The following ZNF346 variants were observed in gnomAD, a reference collection of about 807,000 sequenced individuals.
ZNF346 encodes the protein zinc finger protein 346, also known as double-stranded RNA-binding zinc finger protein JAZ.
Under a neutral mutation model 33.7 loss-of-function variants are expected in ZNF346, and 23 were observed. The ratio of observed to expected loss-of-function variants is 0.68; its 90% CI spans 0.49 to 0.97. ZNF346 has a LOEUF of 0.97. Ranked by LOEUF, ZNF346 falls within the 50% of genes least tolerant of loss-of-function variation. The probability of loss-of-function intolerance (pLI) is 0.00; values close to 1 mark genes in which losing one functional copy is unlikely to be tolerated. For synonymous variants in ZNF346, 134 were observed against 142.4 expected, an observed-to-expected ratio of 0.94 and a Z score of 0.42; for missense variants, 340 against 371.1, an observed-to-expected ratio of 0.92 and a Z score of 0.69.
chr5:177,044,618 G>C, intron 4 of ZNF346, 85 bp downstream of exon 4: 1 of 1,432,250 alleles, frequency 7.0e-7, no homozygotes, highest in South Asian at 1.2e-5. Context: ...GATCCTCACT[G>C]AGGCCACAGA....
chr5:177,033,500 TTTTTGTTTTG>T (rs564917691), intron 1 of ZNF346, among the ~76,000 whole-genome samples: 66 of 152,270 alleles, frequency 4.3e-4, no homozygotes, highest in African/African-American at 1.5e-3. Flanking sequence ...TTGACGAATT[TTTTTGTTTTG>T]TTTTGTTTTG....
chr5:177,079,299 C>T (rs935680782), intron 8 of ZNF346: 1 of 151,912 alleles, frequency 6.6e-6, no homozygotes, highest in Admixed American at 6.6e-5. Context: ...AACCAGTCAC[C>T]GCTTCTTTTT....
intron 1 of ZNF346, among the ~76,000 whole-genome samples, chr5:177,034,138 C>T (rs1778127641): frequency 6.6e-6 from 1 of 152,062 alleles, no homozygotes; most frequent in African/African-American, 2.4e-5. Flanking sequence ...CCACCTCAGC[C>T]TCCTGAATAG....
chr5:177,064,608 C>A lies in ZNF346; in HGVS notation c.*9C>A, dbSNP rs1295655909. On this transcript the variant is annotated 3_prime_UTR_variant, in exon 7 of 7. Coordinates refer to ENST00000358149, the MANE Select transcript of ZNF346 (RefSeq NM_012279.4). Reference sequence around the variant, plus strand: ...CCACCTTGGAAGACTAGAGGTGATTCTGCCCAGCATCCCATATTGGGCCAG... The same window carrying A: ...CCACCTTGGAAGACTAGAGGTGATTATGCCCAGCATCCCATATTGGGCCAG... 1 of 1,611,098 alleles carries A rather than the reference C, an allele frequency of 6.2e-7. No individual in the cohort carries two copies. Among genetic ancestry groups the A allele is most frequent in the Non-Finnish European group, 8.5e-7 (1 of 1,177,326 alleles).
Position 177,041,764 on chromosome 5 carries a change from C to G in ZNF346, c.280-14C>G, listed in dbSNP as rs765648257. The G allele has an allele frequency of 1.6e-5, 25 of 1,576,162 alleles. No individual in the cohort carries two copies. The highest frequency in any genetic ancestry group is 1.3e-5 in the African/African-American group (1 of 74,074). ...CATTTGGCTATCTTTGATCTTTCTC[C>G]TGGGTTTTTGCAGAGCAAAAAACAT... On this transcript the variant is annotated splice_polypyrimidine_tract_variant and intron_variant, in intron 2 of 6. Transcript: ENST00000358149.
At position 177,067,812 on chromosome 5, in the gene ZNF346, A is replaced by T. The variant is rs1165929796; in HGVS notation, c.*3213A>T. 6.6e-6 allele frequency among the ~76,000 whole-genome samples: 1 copy of T among 152,072 alleles called. No homozygotes were observed. Among genetic ancestry groups the T allele is most frequent in the Admixed American group, 6.6e-5 (1 of 15,260 alleles). ...TTTGAGCTAAGAGTTAATATTCCAT[A>T]TAGAGAAGGAGGCCAGGCAGGGTGG... On this transcript the variant is annotated 3_prime_UTR_variant, in exon 7 of 7. Coordinates refer to ENST00000358149, the MANE Select transcript of ZNF346 (RefSeq NM_012279.4).
chr5:177,044,614 C>T, intron 4 of ZNF346, 81 bp downstream of exon 4: 2 of 1,445,228 alleles, frequency 1.4e-6, no homozygotes, highest in East Asian at 2.3e-5. Flanking sequence ...CAGAGATCCT[C>T]ACTGAGGCCA....
Position 177,062,070 on chromosome 5 carries a change from A to AC in ZNF346, c.720dup (p.Cys241LeufsTer5). The stretch of plus-strand genomic sequence containing the variant: ...TGATGTGTTTCAGCTGGAAAGGGCT[A>AC]CCCCTGCAAAACATGTAAGATAGTG... On this transcript the variant is annotated frameshift_variant, in exon 6 of 7. Transcript: ENST00000358149. LOFTEE classifies it high-confidence loss of function. 3 of 1,613,842 alleles carry AC rather than the reference A, an allele frequency of 1.9e-6. No individual in the cohort carries two copies. Among genetic ancestry groups the AC allele is most frequent in the East Asian group, 2.2e-5 (1 of 44,870 alleles).
chr5:177,047,601 G>C (rs1298369826), intron 4 of ZNF346, among the ~76,000 whole-genome samples: 2 of 152,078 alleles, frequency 1.3e-5, no homozygotes, highest in Non-Finnish European at 2.9e-5. Flanking sequence ...CACCCTCTGG[G>C]TTCAAGCAAT....
At chr5:177,061,778 G>A (rs1349400312) in intron 5 of ZNF346, among the ~76,000 whole-genome samples, 1 of 152,156 alleles carries the variant, frequency 6.6e-6, no homozygotes, top group African/African-American at 2.4e-5. Flanking sequence ...TCACCTCTCT[G>A]TTCTGTCATT....
At position 177,066,408 on chromosome 5, in the gene ZNF346, A is replaced by G. The variant is rs1783166384; in HGVS notation, c.*1809A>G. ...TATTCATCTCTACTTCCTGATGTCCATAGTGGTGTGTCATGAATTTTTATT... is the reference window on the plus strand; with the variant it reads ...TATTCATCTCTACTTCCTGATGTCCGTAGTGGTGTGTCATGAATTTTTATT... On this transcript the variant is annotated 3_prime_UTR_variant, in exon 7 of 7. Transcript: ENST00000358149. Among the ~76,000 whole-genome samples the G allele has an allele frequency of 1.3e-5, 2 of 152,014 alleles. No homozygotes were observed. The highest frequency in any genetic ancestry group is 6.6e-5 in the Admixed American group (1 of 15,258).
At chr5:177,036,620 C>T (rs1204788858) in intron 1 of ZNF346, among the ~76,000 whole-genome samples, 2 of 152,164 alleles carry the variant, frequency 1.3e-5, no homozygotes, top group African/African-American at 2.4e-5. Flanking sequence ...CACACAGTCT[C>T]AGCCAGGAAC....
At chr5:177,050,708 T>G (rs1200311717) in intron 4 of ZNF346, 43 bp from the exon 5 acceptor site, 2 of 1,613,518 alleles carry the variant, frequency 1.2e-6, no homozygotes, top group Non-Finnish European at 1.7e-6. Flanking sequence ...TGCAGCTCTG[T>G]CAAAACGCCT....
chr5:177,047,854 A>G (rs1780302381), intron 4 of ZNF346, among the ~76,000 whole-genome samples: 1 of 151,908 alleles, frequency 6.6e-6, no homozygotes, highest in Admixed American at 6.6e-5. Flanking sequence ...GGCCAGGCAG[A>G]TCTCTAACTC....
intron 1 of ZNF346, among the ~76,000 whole-genome samples, chr5:177,033,590 C>G (rs1311355979): frequency 6.6e-6 from 1 of 152,156 alleles, no homozygotes; most frequent in East Asian, 1.9e-4. Context: ...GTGGCATGAT[C>G]TCTGCTCACT....
At chr5:177,052,286 G>C (rs1207147576) in intron 5 of ZNF346, 2 of 151,462 alleles carry the variant, frequency 1.3e-5, no homozygotes, top group Admixed American at 1.3e-4. Context: ...TTATGCCTCA[G>C]CCTCCTGAGT....
intron 5 of ZNF346, among the ~76,000 whole-genome samples, chr5:177,053,257 A>C (rs1044246583): frequency 6.9e-6 from 1 of 144,798 alleles, no homozygotes; most frequent in Non-Finnish European, 1.5e-5. Context: ...TGGAGGTTGC[A>C]GTGATCCAAG....
intron 5 of ZNF346, among the ~76,000 whole-genome samples, chr5:177,057,298 A>C (rs1349875886): frequency 6.8e-6 from 1 of 147,668 alleles, no homozygotes; most frequent in Non-Finnish European, 1.5e-5. Context: ...CTGTCTCAAA[A>C]AAAAAAGACC....
chr5:177,050,983 C>T, intron 5 of ZNF346, 47 bp downstream of exon 5: 2 of 1,483,584 alleles, frequency 1.3e-6, no homozygotes, highest in Non-Finnish European at 1.9e-6. Context: ...GGTTTGGCCA[C>T]TGGGGCTACC....
Sources: gnomAD v4.1 joint callset for allele counts (sites outside exome capture counted in the v4.1 genomes callset) on GRCh38, gnomAD v4.1.1 for gene constraint, MANE v1.5 for transcripts, NCBI Gene and HGNC (gene_info 2026-07-23, HGNC 2026-07-21) for gene names.